The following WDR93 variants were observed in gnomAD, a reference collection of about 807,000 sequenced individuals.
WDR93 encodes the protein WD repeat domain 93, also known as WD repeat-containing protein 93.
WDR93 carries 73 observed loss-of-function variants against 82.9 expected under a neutral mutation model. That is an observed-to-expected ratio of 0.88 (90% CI 0.73 to 1.07). The LOEUF (loss-of-function observed/expected upper bound fraction) is 1.07. Among genes scored for constraint, WDR93 ranks in the 50% least tolerant of loss-of-function variants. WDR93 has a pLI of 0.00. For missense variants in WDR93, 738 were observed against 826.0 expected (o/e 0.89, Z 1.31); for synonymous variants, 283 against 300.1 (o/e 0.94, Z 0.59).
chr15:89,703,854 G>C (rs1178636968), intron 3 of WDR93: 3 of 152,320 alleles, frequency 2.0e-5, no homozygotes, highest in African/African-American at 7.2e-5. Flanking sequence ...CTCAGGCTCT[G>C]CTCAACCAGC....
rs370333876 is a variant in WDR93, at chr15:89,702,830, C to T, written c.304-120C>T. On this transcript the variant is annotated intron_variant, in intron 2 of 16. Coordinates refer to ENST00000268130, the MANE Select transcript of WDR93 (RefSeq NM_020212.2). ...CTGGGATTACAGGCGTTAGCCACTGCGTCCAGCCAGGAAATGTTATTATTA... is the reference window on the plus strand; with the variant it reads ...CTGGGATTACAGGCGTTAGCCACTGTGTCCAGCCAGGAAATGTTATTATTA... The T allele has an allele frequency of 1.0e-4, 119 of 1,152,208 alleles. 2 individuals carry two copies. The East Asian group carries it at 1.3e-3, about 13-fold the overall frequency. The allele number at this position is 1,152,208 out of a possible 1,614,324, so 71.4% of individuals were successfully genotyped here.
chr15:89,729,553 C>T (rs915350936), intron 10 of WDR93, 130 bp from the exon 11 acceptor site: 1 of 692,700 alleles, frequency 1.4e-6, no homozygotes, highest in Non-Finnish European at 2.5e-6. Flanking sequence ...GGGTGCTGCC[C>T]ATTAAAACAA....
intron 8 of WDR93, among the ~76,000 whole-genome samples, chr15:89,725,804 C>T (rs1311016530): frequency 1.3e-5 from 2 of 152,104 alleles, no homozygotes; most frequent in Admixed American, 6.5e-5. Context: ...TCAAGCGATC[C>T]TCCTGCCTTG....
chr15:89,729,129 G>T (rs1425309542), intron 10 of WDR93, 36 bp downstream of exon 10: 1 of 1,592,152 alleles, frequency 6.3e-7, no homozygotes, highest in South Asian at 1.1e-5. Flanking sequence ...GTCCTAGCAA[G>T]GAGTCACCTT....
At chr15:89,712,155 C>T (rs770038623) in intron 5 of WDR93, 51 bp downstream of exon 5, 17 of 1,416,336 alleles carry the variant, frequency 1.2e-5, no homozygotes, top group African/African-American at 4.3e-5. Context: ...CTCTTCCAAT[C>T]TTCCAAATGA....
rs78803093 is a variant in WDR93, at chr15:89,743,450, C to G, written c.*59C>G. Reference sequence around the variant, plus strand: ...GTTTCAGCCACGAGGCAGCTGCTCCCAGGACACTGAGGCCAAGAGAAATGT... The same window carrying G: ...GTTTCAGCCACGAGGCAGCTGCTCCGAGGACACTGAGGCCAAGAGAAATGT... On this transcript the variant is annotated 3_prime_UTR_variant, in exon 17 of 17. Transcript: ENST00000268130. The G allele has an allele frequency of 1.8e-4, 273 of 1,538,058 alleles. 1 individual carries two copies. The African/African-American group carries it at 3.5e-3, about 20-fold the overall frequency.
rs1340804055 is a variant in WDR93 at position 89,736,606 on chromosome 15, G to C, written c.1609-967G>C. Among the ~76,000 whole-genome samples the C allele has an allele frequency of 2.0e-5, 3 of 152,076 alleles. No individual in the cohort carries two copies. The East Asian group carries it at 5.8e-4, about 29-fold the overall frequency. On this transcript the variant is annotated intron_variant, in intron 14 of 16. Transcript: ENST00000268130. ...TGGGGACAGTCCTGCAAGCAGAGAGGAGAGTCTAAAGAAAGTGAGAGCAGT... is the reference window on the plus strand; with the variant it reads ...TGGGGACAGTCCTGCAAGCAGAGAGCAGAGTCTAAAGAAAGTGAGAGCAGT...
rs1379119104 is a variant in WDR93 at position 89,701,856 on chromosome 15, A to G, written c.110A>G (p.Asp37Gly). Residue 37 changes from aspartate to glycine, a missense_variant, in exon 2 of 17, where the codon GAT (aspartate) becomes GGT (glycine). Coordinates refer to ENST00000268130, the MANE Select transcript of WDR93 (RefSeq NM_020212.2). ...PPTEKDWPKD[D>G]EQDHVLVDPD... ...ACAGAGAAGGACTGGCCTAAAGACG[A>G]TGAACAGGATCATGTCCTCGTGGAT... 6.2e-7 allele frequency: 1 copy of G among 1,614,236 alleles called. No individual in the cohort carries two copies. The highest frequency in any genetic ancestry group is 2.2e-5 in the East Asian group (1 of 44,888).
rs556376411 is a variant in WDR93, at chr15:89,712,915, A to G, written c.640+811A>G. ...CAAGGCAGGCGGATCACCTGAGGTC[A>G]GGAGTTCAAGACCAGCCTGGCCAAC... On this transcript the variant is annotated intron_variant, in intron 5 of 16. Coordinates refer to ENST00000268130, the MANE Select transcript of WDR93 (RefSeq NM_020212.2). 1.6e-4 allele frequency among the ~76,000 whole-genome samples: 25 copies of G among 152,242 alleles called. 2 individuals are homozygous for G. The South Asian group carries it at 5.2e-3, about 32-fold the overall frequency.
chr15:89,712,396 C>CTTTTTTTTTTTTTTTTTTTT lies in WDR93; in HGVS notation c.640+296_640+315dup, dbSNP rs1170109589. Among the ~76,000 whole-genome samples, 6 of 80,534 alleles carry CTTTTTTTTTTTTTTTTTTTT rather than the reference C, an allele frequency of 7.5e-5. 1 individual carries two copies. Among genetic ancestry groups the CTTTTTTTTTTTTTTTTTTTT allele is most frequent in the African/African-American group, 2.2e-4 (4 of 18,224 alleles). 52.8% of individuals were successfully genotyped at this position (80,534 alleles called of 152,430 possible). Reference sequence around the variant, plus strand: ...GGATTTCACTAGTTTTTCCACTAATCTTTTTTTTTTTTTTTTTTTTTTTGC... The same window carrying CTTTTTTTTTTTTTTTTTTTT: ...GGATTTCACTAGTTTTTCCACTAATCTTTTTTTTTTTTTTTTTTTTTTTTTTTTTTTTTTTTTTTTTTTGC... On this transcript the variant is annotated intron_variant, in intron 5 of 16. Transcript: ENST00000268130.
chr15:89,710,086 G>A (rs1392942498), intron 4 of WDR93, among the ~76,000 whole-genome samples: 1 of 152,210 alleles, frequency 6.6e-6, no homozygotes, highest in East Asian at 1.9e-4. Flanking sequence ...CTTGAACCCA[G>A]GAGGCGGAGA....
chr15:89,704,935 T>A (rs1965658662), intron 3 of WDR93: 1 of 152,826 alleles, frequency 6.5e-6, no homozygotes, highest in East Asian at 1.9e-4. Context: ...CCAGATGCCT[T>A]TACAAGGTTA....
At chr15:89,739,932 T>C (rs967861166) in intron 16 of WDR93, among the ~76,000 whole-genome samples, 1 of 152,210 alleles carries the variant, frequency 6.6e-6, no homozygotes, top group Non-Finnish European at 1.5e-5. Flanking sequence ...GGTTAAGATA[T>C]GCAGGTCTGG....
intron 6 of WDR93, 70 bp downstream of exon 6, chr15:89,715,165 T>C (rs1411998075): frequency 2.9e-6 from 4 of 1,367,160 alleles, no homozygotes; most frequent in Non-Finnish European, 4.0e-6. Flanking sequence ...CCCAAGTCCT[T>C]GGAAACTTAT....
chr15:89,720,285 A>AT (rs1441833726), intron 7 of WDR93, among the ~76,000 whole-genome samples: 1 of 151,282 alleles, frequency 6.6e-6, no homozygotes, highest in East Asian at 2.0e-4. Context: ...TTATTTTTTT[A>AT]TTTTTGAGAG....
chr15:89,733,144 T>C lies in WDR93; in HGVS notation c.1469T>C (p.Leu490Pro). The C allele has an allele frequency of 1.2e-6, 2 of 1,614,212 alleles. No homozygotes were observed. Among genetic ancestry groups the C allele is most frequent in the Non-Finnish European group, 1.7e-6 (2 of 1,180,022 alleles). ...AAATCCCAAATGAAATGTGTGGTGC[T>C]GTGCACAGACGCCTCCCTCCATCTG... is the stretch of plus-strand genomic sequence containing the variant. ...QVKSQMKCVV[L>P]CTDASLHLVE... The change falls in exon 13 of 17, where the codon CTG becomes CCG. Residue 490 changes from leucine to proline, a missense_variant. Leu to Pro is a moderately conservative substitution (Grantham distance 98). Coordinates refer to ENST00000268130, the MANE Select transcript of WDR93 (RefSeq NM_020212.2).
intron 3 of WDR93, chr15:89,704,892 A>G (rs1350493778): frequency 6.5e-6 from 1 of 152,896 alleles, no homozygotes; most frequent in African/African-American, 2.4e-5. Flanking sequence ...ATGAATCTGT[A>G]CTGGGTTGAG....
intron 11 of WDR93, 117 bp downstream of exon 11, chr15:89,729,886 C>G: frequency 3.6e-6 from 3 of 839,546 alleles, no homozygotes; most frequent in Non-Finnish European, 5.8e-6. Context: ...GGGACCAGAT[C>G]TAGGCAGGCA....
chr15:89,697,569 G>A (rs1163503816), intron 1 of WDR93, among the ~76,000 whole-genome samples: 1 of 152,102 alleles, frequency 6.6e-6, no homozygotes, highest in Non-Finnish European at 1.5e-5. Context: ...GGTTTGTCTT[G>A]GTAAATGTTT....
Sources: allele counts gnomAD v4.1 joint callset (sites outside exome capture counted in the v4.1 genomes callset), GRCh38; gene constraint gnomAD v4.1.1; transcripts MANE v1.5; gene names NCBI Gene and HGNC (gene_info 2026-07-23, HGNC 2026-07-21).